PCDH10: variants seen among roughly 807,000 people sequenced by gnomAD.
The protein encoded by PCDH10 is protocadherin 10.
PCDH10 carries 15 observed loss-of-function variants against 74.4 expected under a neutral mutation model. That is an observed-to-expected ratio of 0.20 (90% CI 0.13 to 0.31). PCDH10 has a LOEUF of 0.31. PCDH10 is among the 10% of genes least tolerant of loss of function. PCDH10 has a pLI of 1.00. For synonymous variants in PCDH10, 619 were observed against 589.8 expected, an observed-to-expected ratio of 1.05 and a Z score of -0.72; for missense variants, 1,260 against 1,390.2, an observed-to-expected ratio of 0.91 and a Z score of 1.49.
Position 133,152,240 on chromosome 4 carries a change from G to A in PCDH10, c.2100G>A (p.Gln700=). 6.2e-7 allele frequency: 1 copy of A among 1,609,720 alleles called. No individual in the cohort carries two copies. Among genetic ancestry groups the A allele is most frequent in the Non-Finnish European group, 8.5e-7 (1 of 1,177,806 alleles). Residue 700 remains glutamine, a synonymous_variant, in exon 1 of 5, where the codon CAG becomes CAA. Coordinates refer to ENST00000264360, the MANE Select transcript of PCDH10 (RefSeq NM_032961.3). ...GSGGGGSGEH[Q]RPSRSGGGET... Reference sequence around the variant, plus strand: ...GAGGCGGAGGGTCAGGAGAGCACCAGCGCCCCAGTCGCTCTGGCGGCGGGG... The same window carrying A: ...GAGGCGGAGGGTCAGGAGAGCACCAACGCCCCAGTCGCTCTGGCGGCGGGG...
chr4:133,205,188 G>A (rs891337351), intron 2 of PCDH10, among the ~76,000 whole-genome samples: 5 of 152,036 alleles, frequency 3.3e-5, no homozygotes, highest in African/African-American at 7.2e-5. Flanking sequence ...TCCTAGTGAC[G>A]CCAACACATA....
In PCDH10 at chr4:133,151,349, C is replaced by T; in HGVS notation, c.1209C>T (p.Phe403=). ...VQCELLGDVP[F]RLKSSFKNYY... is the part of the protein sequence containing the mutation. Reference sequence around the variant, plus strand: ...GCGAGCTACTGGGAGACGTGCCTTTCCGCCTCAAGTCTTCCTTTAAGAATT... The same window carrying T: ...GCGAGCTACTGGGAGACGTGCCTTTTCGCCTCAAGTCTTCCTTTAAGAATT... The change falls in exon 1 of 5, where the codon TTC becomes TTT. Residue 403 remains phenylalanine (F), a synonymous_variant. Transcript: ENST00000264360. 4 of 1,614,172 alleles carry T rather than the reference C, an allele frequency of 2.5e-6. No homozygotes were observed. The highest frequency in any genetic ancestry group is 3.4e-6 in the Non-Finnish European group (4 of 1,180,032).
At chr4:133,207,167 T>C (rs1019980136) in intron 2 of PCDH10, among the ~76,000 whole-genome samples, 2 of 151,928 alleles carry the variant, frequency 1.3e-5, no homozygotes, top group African/African-American at 4.8e-5. Flanking sequence ...TTGTTAGATT[T>C]GTTATAGATT....
chr4:133,202,227 T>C (rs572268116), intron 2 of PCDH10, among the ~76,000 whole-genome samples: 1 of 152,312 alleles, frequency 6.6e-6, no homozygotes, highest in East Asian at 1.9e-4. Context: ...GAGGGACCTG[T>C]GTGGCATTAT....
chr4:133,191,974 C>A lies in PCDH10; in HGVS notation c.*1814C>A, dbSNP rs1727683912. The A allele has an allele frequency of 6.7e-6, 1 of 148,192 alleles. No homozygotes were observed. The highest frequency in any genetic ancestry group is 6.8e-5 in the Admixed American group (1 of 14,696). The allele number at this position is 148,192 out of a possible 1,614,324, so 9.2% of individuals were successfully genotyped here. A position where few individuals can be genotyped will look rare whatever the true frequency, so the allele number is the denominator to read the frequency against. The stretch of plus-strand genomic sequence containing the variant: ...TAAAATACATATATATACACACACA[C>A]ACACACACACACACACACACACTTA... On this transcript the variant is annotated 3_prime_UTR_variant, in exon 5 of 5. Transcript: ENST00000264360.
At chr4:133,197,981 G>GTC (rs2125876475), downstream of PCDH10, among the ~76,000 whole-genome samples, 1 of 150,544 alleles carries the variant, frequency 6.6e-6, no homozygotes, top group African/African-American at 2.5e-5. Context: ...GTGTGTGTGT[G>GTC]TGTGTGTGTG....
intron 4 of PCDH10, among the ~76,000 whole-genome samples, chr4:133,180,684 AT>A (rs1474135487): frequency 2.6e-5 from 4 of 151,976 alleles, no homozygotes; most frequent in Non-Finnish European, 5.9e-5. Context: ...TTTTATTTAA[AT>A]TTATTGTAAT....
chr4:133,188,674 T>G (rs940593498), intron 4 of PCDH10, among the ~76,000 whole-genome samples: 1 of 139,752 alleles, frequency 7.2e-6, no homozygotes, highest in Non-Finnish European at 1.6e-5. Flanking sequence ...GGTTTTTTTT[T>G]TTTTTTTTTT....
Position 133,151,642 on chromosome 4 carries a change from C to G in PCDH10, c.1502C>G (p.Ser501Cys). The change falls in exon 1 of 5, where the codon TCT (serine) becomes TGT (cysteine). Residue 501 changes from serine to cysteine, a missense_variant. Around this residue, in one of 11 missense-constraint regions of PCDH10, gnomAD observed 587 missense variants for 616.9 expected, o/e 0.95. Coordinates refer to ENST00000264360, the MANE Select transcript of PCDH10 (RefSeq NM_032961.3). ...GGCGCCAACGCCCAGCTTGCCTACT[C>G]TATCCTCGAGTGCCAGATCCAGGGC... ...DEGANAQLAY[S>C]ILECQIQGMS... 1.9e-6 allele frequency: 3 copies of G among 1,613,840 alleles called. No individual in the cohort carries two copies. Among genetic ancestry groups the G allele is most frequent in the Non-Finnish European group, 2.5e-6 (3 of 1,180,054 alleles).
At chr4:133,157,270 AGTG>A (rs1225368346) in intron 3 of PCDH10, among the ~76,000 whole-genome samples, 2 of 152,186 alleles carry the variant, frequency 1.3e-5, no homozygotes, top group African/African-American at 4.8e-5. Context: ...ATAATTTTGA[AGTG>A]TTTTCTTTTT....
At chr4:133,200,972 C>T (rs1264294195) in intron 2 of PCDH10, among the ~76,000 whole-genome samples, 1 of 141,862 alleles carries the variant, frequency 7.0e-6, no homozygotes. Context: ...TAAATTTGGC[C>T]TAAAAAACTA....
At chr4:133,184,137 TA>T (rs1453870569) in intron 4 of PCDH10, among the ~76,000 whole-genome samples, 6 of 152,102 alleles carry the variant, frequency 3.9e-5, no homozygotes, top group Non-Finnish European at 8.8e-5. Flanking sequence ...ATTTGCTTTC[TA>T]AAAGACTAAT....
intron 2 of PCDH10, among the ~76,000 whole-genome samples, chr4:133,199,761 A>AATTATT (rs10682546): frequency 7.5e-4 from 110 of 146,316 alleles, no homozygotes; most frequent in Middle Eastern, 3.6e-3. Context: ...AGTTGTTTTT[A>AATTATT]ATTATTATTA....
At chr4:133,165,619 A>C (rs13118332) in intron 4 of PCDH10, among the ~76,000 whole-genome samples, 3,732 of 150,906 alleles carry the variant, frequency 0.025, 144 homozygotes, top group East Asian at 0.18. Context: ...ATAATTATTA[A>C]AGTTGTAGAG....
intron 4 of PCDH10, among the ~76,000 whole-genome samples, chr4:133,186,001 C>T (rs1003571209): frequency 6.6e-6 from 1 of 152,072 alleles, no homozygotes; most frequent in Non-Finnish European, 1.5e-5. Context: ...ATACATGTGA[C>T]AGTCATTTGT....
At chr4:133,201,984 A>G (rs1252908387) in intron 2 of PCDH10, among the ~76,000 whole-genome samples, 1 of 151,712 alleles carries the variant, frequency 6.6e-6, no homozygotes, top group Non-Finnish European at 1.5e-5. Flanking sequence ...TCTCTTGGTT[A>G]TACAAGATAT....
At chr4:133,187,726 T>A (rs935501159) in intron 4 of PCDH10, among the ~76,000 whole-genome samples, 1 of 152,124 alleles carries the variant, frequency 6.6e-6, no homozygotes, top group Non-Finnish European at 1.5e-5. Flanking sequence ...TTTAAGTTTA[T>A]GTTTATATTT....
intron 4 of PCDH10, among the ~76,000 whole-genome samples, chr4:133,171,298 G>A (rs182074599): frequency 6.6e-6 from 1 of 151,902 alleles, no homozygotes; most frequent in Non-Finnish European, 1.5e-5. Context: ...ACTATATTTG[G>A]GCTGAAAATT....
At chr4:133,161,403 T>A (rs1726968233) in intron 3 of PCDH10, among the ~76,000 whole-genome samples, 2 of 152,146 alleles carry the variant, frequency 1.3e-5, no homozygotes, top group Admixed American at 1.3e-4. Flanking sequence ...ATAATCTAGA[T>A]AATCTAGATA....
Sources: allele counts gnomAD v4.1 joint callset (sites outside exome capture counted in the v4.1 genomes callset), GRCh38; gene constraint gnomAD v4.1.1; regional missense constraint gnomAD v4.1.1; transcripts MANE v1.5; gene names NCBI Gene and HGNC (gene_info 2026-07-23, HGNC 2026-07-21).